Variants in PDE8A observed in about 807,000 individuals in gnomAD.
PDE8A encodes phosphodiesterase 8A, also known as high affinity cAMP-specific and IBMX-insensitive 3',5'-cyclic phosphodiesterase 8A.
In PDE8A, 59 loss-of-function variants were observed where a neutral mutation model predicts 105.0. The observed-to-expected ratio is 0.56, with a 90% CI of 0.46 to 0.70. PDE8A has a LOEUF of 0.70. Ranked by LOEUF, PDE8A falls within the 30% of genes least tolerant of loss-of-function variation. The pLI is 0.00. For missense variants in PDE8A, 1,014 were observed against 1,045.9 expected, an observed-to-expected ratio of 0.97 and a Z score of 0.42; for synonymous variants, 355 against 371.9, an observed-to-expected ratio of 0.95 and a Z score of 0.52.
At chr15:85,027,386 G>A (rs2080535724) in intron 1 of PDE8A, among the ~76,000 whole-genome samples, 1 of 152,150 alleles carries the variant, frequency 6.6e-6, no homozygotes, top group African/African-American at 2.4e-5. Flanking sequence ...CAGCTACCTC[G>A]CCTGAGCAAG....
chr15:85,100,416 A>G (rs2081842389), intron 11 of PDE8A, among the ~76,000 whole-genome samples: 1 of 152,236 alleles, frequency 6.6e-6, no homozygotes, highest in African/African-American at 2.4e-5. Context: ...CGGGTCTCTG[A>G]GCCTGCGAGG....
chr15:85,066,666 C>T (rs544339348), intron 2 of PDE8A, among the ~76,000 whole-genome samples: 27 of 151,124 alleles, frequency 1.8e-4, no homozygotes, highest in African/African-American at 5.6e-4. Flanking sequence ...TGACCAGGCG[C>T]GGTGGCTCAC....
Position 84,982,026 on chromosome 15 carries a change from G to T in PDE8A, c.-137G>T. 1 of 406,110 alleles carries T rather than the reference G, an allele frequency of 2.5e-6. No individual in the cohort carries two copies. Among genetic ancestry groups the T allele is most frequent in the South Asian group, 1.1e-4 (1 of 8,696 alleles). The allele number at this position is 406,110 out of a possible 1,614,324, so 25.2% of individuals were successfully genotyped here. A position where few individuals can be genotyped will look rare whatever the true frequency, so the allele number is the denominator to read the frequency against. On this transcript the variant is annotated 5_prime_UTR_variant, in exon 1 of 22. Coordinates refer to ENST00000394553, the MANE Select transcript of PDE8A (RefSeq NM_002605.3). ...GATAAAAGGGGCGGCCGCGTTTCCT[G>T]ACGCGAGATCCGCGCTCGCCGCCGC...
At chr15:85,100,219 TC>T in intron 11 of PDE8A, 21 bp downstream of exon 11, 1 of 1,596,004 alleles carries the variant, frequency 6.3e-7, no homozygotes, top group Non-Finnish European at 8.6e-7. Context: ...CCGTATTTAT[TC>T]TTAGAGTTCA....
intron 1 of PDE8A, among the ~76,000 whole-genome samples, chr15:85,056,789 C>T (rs527730680): frequency 1.8e-4 from 28 of 151,898 alleles, no homozygotes; most frequent in East Asian, 5.8e-4. Context: ...TCGTTATTAC[C>T]GATTGTCTGA....
chr15:84,999,819 C>A (rs1175675400), intron 1 of PDE8A, among the ~76,000 whole-genome samples: 1 of 152,066 alleles, frequency 6.6e-6, no homozygotes, highest in Non-Finnish European at 1.5e-5. Flanking sequence ...TGTGATTCAC[C>A]TGCCTCGGCC....
intron 1 of PDE8A, among the ~76,000 whole-genome samples, chr15:85,014,409 A>G (rs1234056107): frequency 2.0e-5 from 3 of 152,186 alleles, no homozygotes; most frequent in South Asian, 4.1e-4. Flanking sequence ...GAATACCTCT[A>G]TAAAGAGAAG....
rs1368039283 is a variant in PDE8A at position 85,138,811 on chromosome 15, G to GACTT, written c.*910_*913dup. The GACTT allele has an allele frequency of 3.3e-5, 5 of 152,102 alleles. No homozygotes were observed. Among genetic ancestry groups the GACTT allele is most frequent in the Middle Eastern group, 3.2e-3 (1 of 316 alleles). 9.4% of individuals were successfully genotyped at this position (152,102 alleles called of 1,614,324 possible). ...TTGTTGGTTCGCAAAGAAAAGTTAG[G>GACTT]ACTTAACACTTTTTTCTAAAATTTT... On this transcript the variant is annotated 3_prime_UTR_variant, in exon 22 of 22. Coordinates refer to ENST00000394553, the MANE Select transcript of PDE8A (RefSeq NM_002605.3).
chr15:85,107,248 A>G (rs773214697), intron 11 of PDE8A, among the ~76,000 whole-genome samples: 5 of 152,190 alleles, frequency 3.3e-5, no homozygotes, highest in Non-Finnish European at 7.3e-5. Flanking sequence ...TTGGGAGGCA[A>G]ATTAACAAAT....
chr15:85,074,809 C>G (rs942820849), intron 3 of PDE8A, among the ~76,000 whole-genome samples: 7 of 152,226 alleles, frequency 4.6e-5, no homozygotes, highest in Non-Finnish European at 8.8e-5. Context: ...AGAAGTGGCT[C>G]TATACCTTGA....
chr15:84,993,183 C>T (rs1004861248), intron 1 of PDE8A, among the ~76,000 whole-genome samples: 6 of 152,106 alleles, frequency 3.9e-5, no homozygotes, highest in East Asian at 1.9e-4. Flanking sequence ...GTGGCTCATG[C>T]CTGTAATCCC....
chr15:85,061,520 G>A (rs903176327), intron 1 of PDE8A, among the ~76,000 whole-genome samples: 14 of 152,086 alleles, frequency 9.2e-5, no homozygotes, highest in African/African-American at 3.4e-4. Context: ...GATTACAGGC[G>A]TGAGCCACCA....
At chr15:85,037,563 G>A (rs543538963) in intron 1 of PDE8A, among the ~76,000 whole-genome samples, 2 of 152,298 alleles carry the variant, frequency 1.3e-5, no homozygotes, top group East Asian at 3.9e-4. Context: ...TGTGAAATGA[G>A]CAGAAAGATA....
At chr15:85,037,197 C>T (rs549563482) in intron 1 of PDE8A, among the ~76,000 whole-genome samples, 2 of 152,126 alleles carry the variant, frequency 1.3e-5, no homozygotes, top group Admixed American at 6.5e-5. Flanking sequence ...TCCCAAGTAG[C>T]TGGGATTACA....
At chr15:85,071,245 C>T (rs2081306179) in intron 3 of PDE8A, among the ~76,000 whole-genome samples, 1 of 152,204 alleles carries the variant, frequency 6.6e-6, no homozygotes, top group Non-Finnish European at 1.5e-5. Flanking sequence ...GCTTTACTCC[C>T]ACTGTGTTCT....
At chr15:84,989,581 C>G (rs1007102181) in intron 1 of PDE8A, among the ~76,000 whole-genome samples, 2 of 152,126 alleles carry the variant, frequency 1.3e-5, no homozygotes, top group African/African-American at 4.8e-5. Context: ...GGGTCCAGCT[C>G]CATCAGGCTT....
At chr15:85,110,964 G>A (rs865999996) in intron 12 of PDE8A, among the ~76,000 whole-genome samples, 16 of 152,226 alleles carry the variant, frequency 1.1e-4, no homozygotes, top group African/African-American at 2.9e-4. Context: ...CACTCCAGTG[G>A]TTTTAATTTT....
intron 12 of PDE8A, among the ~76,000 whole-genome samples, 184 bp downstream of exon 12, chr15:85,109,314 C>G (rs923090796): frequency 2.0e-5 from 3 of 152,150 alleles, no homozygotes; most frequent in Non-Finnish European, 2.9e-5. Flanking sequence ...CCATTCTGAG[C>G]CTTTTAATGG....
chr15:84,997,795 A>G (rs1175635575), intron 1 of PDE8A, among the ~76,000 whole-genome samples: 1 of 152,024 alleles, frequency 6.6e-6, no homozygotes, highest in Non-Finnish European at 1.5e-5. Flanking sequence ...GGGTTTCTCC[A>G]TGTTGGTCAG....
Sources: gnomAD v4.1 joint callset for allele counts (sites outside exome capture counted in the v4.1 genomes callset) on GRCh38, gnomAD v4.1.1 for gene constraint, MANE v1.5 for transcripts, NCBI Gene and HGNC (gene_info 2026-07-23, HGNC 2026-07-21) for gene names.